The following CADM2 variants were observed in gnomAD, a reference collection of about 807,000 sequenced individuals.
CADM2 encodes cell adhesion molecule 2.
A neutral mutation model predicts 49.8 loss-of-function variants in CADM2; 12 were observed. That is an observed-to-expected ratio of 0.24 (90% CI 0.15 to 0.39). The LOEUF (loss-of-function observed/expected upper bound fraction) is 0.39. Ranked by LOEUF, CADM2 falls within the 10% of genes least tolerant of loss-of-function variation. CADM2 has a pLI of 1.00. For missense variants in CADM2, 378 were observed against 492.3 expected, an observed-to-expected ratio of 0.77 and a Z score of 2.20; for synonymous variants, 214 against 175.4, an observed-to-expected ratio of 1.22 and a Z score of -1.74.
At chr3:86,021,140 C>T (rs563259310) in intron 8 of CADM2, among the ~76,000 whole-genome samples, 28 of 152,240 alleles carry the variant, frequency 1.8e-4, no homozygotes, top group Non-Finnish European at 1.5e-5. Flanking sequence ...GCTGGAATTA[C>T]AGGCATCCAC....
At chr3:85,420,732 C>G (rs970421372) in intron 1 of CADM2, among the ~76,000 whole-genome samples, 4 of 151,994 alleles carry the variant, frequency 2.6e-5, no homozygotes, top group African/African-American at 9.7e-5. Context: ...TTTAAACAAA[C>G]AAAACATAAA....
chr3:85,090,907 T>TTA (rs1362493199), intron 1 of CADM2, among the ~76,000 whole-genome samples: 1 of 152,068 alleles, frequency 6.6e-6, no homozygotes, highest in African/African-American at 2.4e-5. Context: ...TGTGGAAAAA[T>TTA]TATCTTCCAC....
chr3:85,618,465 A>G (rs979633724), intron 1 of CADM2, among the ~76,000 whole-genome samples: 11 of 152,118 alleles, frequency 7.2e-5, no homozygotes, highest in African/African-American at 2.7e-4. Context: ...CTAACAAGGT[A>G]AATATTTAGT....
intron 1 of CADM2, among the ~76,000 whole-genome samples, chr3:85,481,200 C>T (rs1476534501): frequency 1.4e-5 from 2 of 145,572 alleles, no homozygotes; most frequent in Non-Finnish European, 3.0e-5. Context: ...CACCCACATA[C>T]ACAGCATATA....
intron 7 of CADM2, among the ~76,000 whole-genome samples, chr3:85,957,475 CT>C (rs1724207546): frequency 6.6e-6 from 1 of 151,644 alleles, no homozygotes; most frequent in Non-Finnish European, 1.5e-5. Context: ...AAACTGTTTA[CT>C]ACTTTCTACT....
intron 7 of CADM2, among the ~76,000 whole-genome samples, chr3:85,953,766 T>C (rs182846514): frequency 6.6e-6 from 1 of 150,746 alleles, no homozygotes; most frequent in East Asian, 2.0e-4. Context: ...TTTTTATAGA[T>C]AATTATTTGA....
chr3:85,854,745 G>C (rs960767212), intron 3 of CADM2, among the ~76,000 whole-genome samples: 10 of 152,018 alleles, frequency 6.6e-5, no homozygotes, highest in African/African-American at 2.4e-4. Flanking sequence ...AAGCCTGCAC[G>C]TTCTGCATAT....
At chr3:85,166,418 TA>T (rs1220568084) in intron 1 of CADM2, among the ~76,000 whole-genome samples, 1 of 151,720 alleles carries the variant, frequency 6.6e-6, no homozygotes, top group Non-Finnish European at 1.5e-5. Context: ...GATTCTAGAA[TA>T]AAAAATATTC....
intron 1 of CADM2, among the ~76,000 whole-genome samples, chr3:85,623,891 T>C (rs938292723): frequency 1.3e-5 from 2 of 152,132 alleles, no homozygotes; most frequent in Non-Finnish European, 1.5e-5. Flanking sequence ...TATGGAATTA[T>C]TGTGGATCAT....
chr3:85,348,469 T>C (rs908191490), intron 1 of CADM2, among the ~76,000 whole-genome samples: 3 of 152,250 alleles, frequency 2.0e-5, no homozygotes, highest in Admixed American at 2.0e-4. Context: ...CAACACATTT[T>C]ATCACAAGAA....
chr3:85,413,157 A>AT (rs1445867341), intron 1 of CADM2, among the ~76,000 whole-genome samples: 49 of 143,984 alleles, frequency 3.4e-4, no homozygotes, highest in African/African-American at 1.2e-3. Flanking sequence ...AAAAAAAAAA[A>AT]AAAAAATAAT....
chr3:85,384,337 A>T (rs1487333912), intron 1 of CADM2, among the ~76,000 whole-genome samples: 2 of 151,414 alleles, frequency 1.3e-5, no homozygotes, highest in African/African-American at 4.9e-5. Flanking sequence ...TTTTTTTAAG[A>T]TGGAGTTTTG....
chr3:85,338,205 A>T (rs1464259939), intron 1 of CADM2, among the ~76,000 whole-genome samples: 1 of 151,652 alleles, frequency 6.6e-6, no homozygotes, highest in Non-Finnish European at 1.5e-5. Flanking sequence ...CTGGTTACAT[A>T]TAAGCCTTTT....
chr3:85,580,572 T>C (rs2062766191), intron 1 of CADM2, among the ~76,000 whole-genome samples: 1 of 152,152 alleles, frequency 6.6e-6, no homozygotes, highest in African/African-American at 2.4e-5. Flanking sequence ...ATTTCCTTTT[T>C]CAAATATAGA....
intron 1 of CADM2, among the ~76,000 whole-genome samples, chr3:85,454,830 C>T (rs566347418): frequency 2.4e-5 from 3 of 124,214 alleles, no homozygotes; most frequent in African/African-American, 7.6e-5. Context: ...AATCAGTAAG[C>T]AAACATTAAC....
intron 1 of CADM2, among the ~76,000 whole-genome samples, chr3:85,495,912 C>T (rs1033947483): frequency 1.3e-5 from 2 of 152,108 alleles, no homozygotes; most frequent in African/African-American, 4.8e-5. Flanking sequence ...TACATTTCCA[C>T]ATGACAACTG....
chr3:85,439,569 C>T (rs1275597808), intron 1 of CADM2, among the ~76,000 whole-genome samples: 2 of 151,968 alleles, frequency 1.3e-5, no homozygotes, highest in African/African-American at 2.4e-5. Context: ...AATAGTGAAA[C>T]TAATGATTTA....
chr3:85,518,781 T>C (rs1192033616), intron 1 of CADM2, among the ~76,000 whole-genome samples: 2 of 152,128 alleles, frequency 1.3e-5, no homozygotes, highest in African/African-American at 2.4e-5. Flanking sequence ...GACATTGTAA[T>C]GGCATTTAAG....
chr3:85,031,443 TCTAA>T (rs1377851435), intron 1 of CADM2, among the ~76,000 whole-genome samples: 1 of 152,222 alleles, frequency 6.6e-6, no homozygotes, highest in Non-Finnish European at 1.5e-5. Context: ...AGGTGTTCTG[TCTAA>T]CTGTGTTCTG....
Sources: allele counts gnomAD v4.1 joint callset (sites outside exome capture counted in the v4.1 genomes callset), GRCh38; gene constraint gnomAD v4.1.1; transcripts MANE v1.5; gene names NCBI Gene and HGNC (gene_info 2026-07-23, HGNC 2026-07-21).